Variants in VAV3 observed in about 807,000 individuals in gnomAD.
VAV3 encodes guanine nucleotide exchange factor VAV3.
Under a neutral mutation model 131.2 loss-of-function variants are expected in VAV3, and 94 were observed. The observed-to-expected ratio is 0.72, with a 90% CI of 0.61 to 0.85. The LOEUF is 0.85. Among genes scored for constraint, VAV3 ranks in the 40% least tolerant of loss-of-function variants. The pLI is 0.00. For missense variants in VAV3, 939 were observed against 1,002.7 expected, an observed-to-expected ratio of 0.94 and a Z score of 0.86; for synonymous variants, 349 against 342.0, an observed-to-expected ratio of 1.02 and a Z score of -0.22.
At chr1:107,578,225 CT>C (rs1339298635) in intron 25 of VAV3, among the ~76,000 whole-genome samples, 1 of 152,170 alleles carries the variant, frequency 6.6e-6, no homozygotes, top group African/African-American at 2.4e-5. Flanking sequence ...CATGAATGGC[CT>C]CATGTTTACT....
intron 15 of VAV3, among the ~76,000 whole-genome samples, chr1:107,713,878 A>G (rs1175876176): frequency 6.6e-6 from 1 of 152,150 alleles, no homozygotes; most frequent in Non-Finnish European, 1.5e-5. Flanking sequence ...CATCTCCTAT[A>G]AAGTCAGACA....
At chr1:107,858,413 C>T (rs1323215969) in intron 2 of VAV3, among the ~76,000 whole-genome samples, 1 of 151,948 alleles carries the variant, frequency 6.6e-6, no homozygotes, top group Non-Finnish European at 1.5e-5. Context: ...AGTCAGATAC[C>T]ATCTAAGAAA....
intron 1 of VAV3, among the ~76,000 whole-genome samples, chr1:107,890,813 AAG>A (rs1426754607): frequency 6.6e-6 from 1 of 152,194 alleles, no homozygotes; most frequent in African/African-American, 2.4e-5. Flanking sequence ...CCAAAAATGG[AAG>A]ACACTTTCAG....
intron 15 of VAV3, among the ~76,000 whole-genome samples, chr1:107,722,003 T>C (rs1661531514): frequency 6.6e-6 from 1 of 152,330 alleles, no homozygotes; most frequent in South Asian, 2.1e-4. Context: ...TGGAGCTAAC[T>C]AGTATTACAG....
At chr1:107,863,708 G>A (rs1459823312) in intron 2 of VAV3, among the ~76,000 whole-genome samples, 1 of 152,106 alleles carries the variant, frequency 6.6e-6, no homozygotes, top group Non-Finnish European at 1.5e-5. Context: ...GTAAACCTCT[G>A]TGTGCATATT....
chr1:107,622,645 T>C (rs907119283), intron 20 of VAV3, among the ~76,000 whole-genome samples: 7 of 152,290 alleles, frequency 4.6e-5, no homozygotes, highest in Non-Finnish European at 7.4e-5. Flanking sequence ...TTATGAACGA[T>C]TGGAAATTCT....
chr1:107,602,444 C>G lies in VAV3; in HGVS notation c.2173G>C (p.Asp725His), dbSNP rs762497588. 2.5e-6 allele frequency: 4 copies of G among 1,574,924 alleles called. No homozygotes were observed. The African/African-American group carries it at 5.6e-5, about 22-fold the overall frequency. Residue 725 changes from aspartate (D) to histidine (H), a missense_variant, in exon 24 of 27, where the codon GAT becomes CAT. Coordinates refer to ENST00000370056, the MANE Select transcript of VAV3 (RefSeq NM_006113.5). ...TTTTCTGCAATGTGAAAAAAGCCAT[C>G]TCTTGTTAAAATCTTGATGTGCTTT... ...EAKHIKILTR[D>H]GFFHIAENRK...
At chr1:107,857,663 T>G (rs1054560263) in intron 2 of VAV3, among the ~76,000 whole-genome samples, 1 of 152,132 alleles carries the variant, frequency 6.6e-6, no homozygotes, top group Non-Finnish European at 1.5e-5. Flanking sequence ...TTTTTTTCTG[T>G]AACAAAACTA....
At chr1:107,770,014 A>G (rs899497419) in intron 6 of VAV3, among the ~76,000 whole-genome samples, 19 of 152,170 alleles carry the variant, frequency 1.2e-4, no homozygotes, top group African/African-American at 4.6e-4. Flanking sequence ...ACTTCTGCTC[A>G]CAACCCTTCC....
At chr1:107,840,922 A>T (rs370278406) in intron 2 of VAV3, among the ~76,000 whole-genome samples, 2 of 85,426 alleles carry the variant, frequency 2.3e-5, no homozygotes, top group African/African-American at 7.7e-5. Flanking sequence ...AGATGCTTTT[A>T]AAAAAAAAAA....
At chr1:107,877,032 T>C (rs1203462209) in intron 1 of VAV3, among the ~76,000 whole-genome samples, 1 of 152,166 alleles carries the variant, frequency 6.6e-6, no homozygotes, top group Non-Finnish European at 1.5e-5. Flanking sequence ...AGGCTTAACT[T>C]AGACACACTT....
At chr1:107,688,134 C>T (rs1659165019) in intron 18 of VAV3, among the ~76,000 whole-genome samples, 1 of 152,184 alleles carries the variant, frequency 6.6e-6, no homozygotes, top group Non-Finnish European at 1.5e-5. Flanking sequence ...AGTCCCATTT[C>T]ATACACAGTC....
intron 2 of VAV3, among the ~76,000 whole-genome samples, chr1:107,813,018 G>A (rs1448993476): frequency 1.3e-5 from 2 of 151,826 alleles, no homozygotes; most frequent in East Asian, 3.9e-4. Flanking sequence ...AGCTACTTGG[G>A]AGGCTGAGGC....
chr1:107,922,870 T>G (rs1672972803), intron 1 of VAV3, among the ~76,000 whole-genome samples: 1 of 148,466 alleles, frequency 6.7e-6, no homozygotes. Context: ...GAGAATGGCG[T>G]GAACCCGGGA....
chr1:107,921,425 C>T (rs1431313446), intron 1 of VAV3, among the ~76,000 whole-genome samples: 2 of 152,142 alleles, frequency 1.3e-5, no homozygotes, highest in Non-Finnish European at 2.9e-5. Context: ...GCTATTTTTC[C>T]CCCTCTAAAT....
intron 19 of VAV3, among the ~76,000 whole-genome samples, chr1:107,673,234 C>G (rs1427090323): frequency 6.6e-6 from 1 of 152,206 alleles, no homozygotes; most frequent in Non-Finnish European, 1.5e-5. Flanking sequence ...CCAGTCCTAG[C>G]TGCCCATGTC....
At chr1:107,775,858 A>ACTGCAGTGGGTGTGCTCACCCCCT (rs1453828780) in intron 4 of VAV3, among the ~76,000 whole-genome samples, 3 of 152,172 alleles carry the variant, frequency 2.0e-5, no homozygotes, top group Non-Finnish European at 4.4e-5. Flanking sequence ...CCATCGTGTG[A>ACTGCAGTGGGTGTGCTCACCCCCT]CTGCAGTGGG....
chr1:107,667,130 T>C (rs968861517), intron 19 of VAV3, among the ~76,000 whole-genome samples: 4 of 152,238 alleles, frequency 2.6e-5, no homozygotes, highest in Admixed American at 6.5e-5. Context: ...TCACCTTCTA[T>C]ACCTCTGCTC....
At position 107,740,243 on chromosome 1, in the gene VAV3, C is replaced by T. The variant is rs559608123; in HGVS notation, c.1502+8725G>A. Among the ~76,000 whole-genome samples, 11 of 151,212 alleles carry T rather than the reference C, an allele frequency of 7.3e-5. No homozygotes were observed. In the South Asian group the frequency reaches 1.0e-3, roughly 14 times the overall value. Reference sequence around the variant, plus strand: ...TGGAGGTTGCACTGAGCTGAGATCGCGCCACTGTACTCTAGGCTGGGCGAC... The same window carrying T: ...TGGAGGTTGCACTGAGCTGAGATCGTGCCACTGTACTCTAGGCTGGGCGAC... On this transcript the variant is annotated intron_variant, in intron 15 of 26. Transcript: ENST00000370056.
Sources: gnomAD v4.1 joint callset for allele counts (sites outside exome capture counted in the v4.1 genomes callset) on GRCh38, gnomAD v4.1.1 for gene constraint, MANE v1.5 for transcripts, NCBI Gene and HGNC (gene_info 2026-07-23, HGNC 2026-07-21) for gene names.